The following PTPN2 variants were observed in gnomAD, a reference collection of about 807,000 sequenced individuals.
PTPN2 encodes protein tyrosine phosphatase non-receptor type 2, also known as tyrosine-protein phosphatase non-receptor type 2.
Under a neutral mutation model 57.3 loss-of-function variants are expected in PTPN2, and 19 were observed. The observed-to-expected ratio is 0.33, with a 90% CI of 0.23 to 0.49. The LOEUF (loss-of-function observed/expected upper bound fraction) is 0.49, where lower values mean the gene tolerates loss of function less well. PTPN2 is among the 20% of genes least tolerant of loss of function. The probability of loss-of-function intolerance (pLI) is 0.99; values close to 1 mark genes in which losing one functional copy is unlikely to be tolerated. For missense variants in PTPN2, 358 were observed against 501.1 expected (o/e 0.71, Z 2.73); for synonymous variants, 153 against 164.9 (o/e 0.93, Z 0.55).
At chr18:12,851,966 A>T (rs1326393422) in intron 2 of PTPN2, among the ~76,000 whole-genome samples, 3 of 152,098 alleles carry the variant, frequency 2.0e-5, no homozygotes, top group African/African-American at 7.3e-5. Context: ...ATACTGCATG[A>T]TTACACATAT....
chr18:12,870,423 ATACGTATATATATATGTG>A (rs1390022999), intron 1 of PTPN2, among the ~76,000 whole-genome samples: 13 of 52,312 alleles, frequency 2.5e-4, no homozygotes, highest in African/African-American at 5.7e-4. Flanking sequence ...ATGTATATAT[ATACGTATATATATATGTG>A]TATATATATA....
At chr18:12,867,630 G>A (rs1317055706) in intron 1 of PTPN2, among the ~76,000 whole-genome samples, 1 of 152,002 alleles carries the variant, frequency 6.6e-6, no homozygotes, top group African/African-American at 2.4e-5. Context: ...ATAGAGTTTC[G>A]CTTCAGTCTC....
Position 12,794,220 on chromosome 18 carries a change from T to G in PTPN2, c.*58A>C. On this transcript the variant is annotated 3_prime_UTR_variant, in exon 9 of 9. Coordinates refer to ENST00000309660, the MANE Select transcript of PTPN2 (RefSeq NM_002828.4). ...GGCGTTTGCTGCAGACAAACCCCTA[T>G]GATTAATGTAGCACTGTCAGTTACT... 6.2e-7 allele frequency: 1 copy of G among 1,604,806 alleles called. No homozygotes were observed. The highest frequency in any genetic ancestry group is 8.5e-7 in the Non-Finnish European group (1 of 1,175,916).
At chr18:12,796,688 T>C (rs1353733224) in intron 8 of PTPN2, among the ~76,000 whole-genome samples, 1 of 152,322 alleles carries the variant, frequency 6.6e-6, no homozygotes, top group African/African-American at 2.4e-5. Flanking sequence ...AATATTCTCC[T>C]GCTATGCAGA....
At chr18:12,855,597 T>C (rs977758212) in intron 2 of PTPN2, among the ~76,000 whole-genome samples, 1 of 152,184 alleles carries the variant, frequency 6.6e-6, no homozygotes, top group East Asian at 1.9e-4. Flanking sequence ...GACGATATCC[T>C]GAGCATGGTG....
chr18:12,835,042 C>T (rs2042805878), intron 3 of PTPN2, among the ~76,000 whole-genome samples: 2 of 152,082 alleles, frequency 1.3e-5, no homozygotes, highest in Non-Finnish European at 2.9e-5. Context: ...GATTTCACAT[C>T]CCATGAATAC....
intron 6 of PTPN2, among the ~76,000 whole-genome samples, chr18:12,815,507 A>G (rs1444865669): frequency 6.6e-6 from 1 of 152,184 alleles, no homozygotes; most frequent in Non-Finnish European, 1.5e-5. Flanking sequence ...AACACTGCTG[A>G]GCTACAGCAC....
chr18:12,808,335 A>G (rs969369215), intron 7 of PTPN2, among the ~76,000 whole-genome samples: 2 of 152,184 alleles, frequency 1.3e-5, no homozygotes, highest in African/African-American at 4.8e-5. Context: ...AGATTTCAAA[A>G]TAGCTGGAAG....
At chr18:12,827,342 C>CAAAAAA (rs200266093) in intron 4 of PTPN2, among the ~76,000 whole-genome samples, 8 of 136,632 alleles carry the variant, frequency 5.9e-5, no homozygotes, top group African/African-American at 2.4e-4. Context: ...GACTCCGTCT[C>CAAAAAA]AAAAAAAAAA....
At chr18:12,842,420 G>GA (rs1224287623) in intron 2 of PTPN2, among the ~76,000 whole-genome samples, 2 of 152,156 alleles carry the variant, frequency 1.3e-5, no homozygotes, top group African/African-American at 4.8e-5. Flanking sequence ...TAAATGCTAA[G>GA]AAAAAAGAGT....
intron 2 of PTPN2, chr18:12,843,764 A>C (rs2043126340): frequency 6.5e-6 from 1 of 152,750 alleles, no homozygotes; most frequent in Non-Finnish European, 1.5e-5. Flanking sequence ...GAAGGCCATC[A>C]AACTCAGAAG....
intron 1 of PTPN2, among the ~76,000 whole-genome samples, chr18:12,868,612 AT>A (rs1035618455): frequency 4.0e-5 from 6 of 151,638 alleles, no homozygotes; most frequent in African/African-American, 1.4e-4. Flanking sequence ...TTACACAATT[AT>A]GCCTAACAAC....
chr18:12,859,535 CAG>C (rs757090098), intron 1 of PTPN2, among the ~76,000 whole-genome samples: 2 of 152,208 alleles, frequency 1.3e-5, no homozygotes, highest in Non-Finnish European at 2.9e-5. Flanking sequence ...CAAGGTCCTT[CAG>C]ATGCCAAAGT....
chr18:12,801,457 G>A (rs763295338), intron 8 of PTPN2, among the ~76,000 whole-genome samples: 34 of 151,928 alleles, frequency 2.2e-4, no homozygotes, highest in Admixed American at 3.9e-4. Context: ...GAGCAGCTAA[G>A]GTTGTGCCAC....
At chr18:12,797,824 T>C (rs2063278180) in intron 8 of PTPN2, among the ~76,000 whole-genome samples, 1 of 152,122 alleles carries the variant, frequency 6.6e-6, no homozygotes, top group Non-Finnish European at 1.5e-5. Context: ...CCTCAACCTC[T>C]TGGGCTCAAG....
intron 1 of PTPN2, among the ~76,000 whole-genome samples, chr18:12,860,837 T>C (rs2043781561): frequency 6.6e-6 from 1 of 152,062 alleles, no homozygotes; most frequent in Non-Finnish European, 1.5e-5. Context: ...TACTGATGTA[T>C]CCAGAATGGC....
Position 12,872,704 on chromosome 18 carries a change from T to C in PTPN2, c.69+11369A>G, listed in dbSNP as rs555347634. Among the ~76,000 whole-genome samples the C allele has an allele frequency of 6.6e-5, 10 of 151,402 alleles. No individual in the cohort carries two copies. In the South Asian group the frequency reaches 2.1e-3, roughly 31 times the overall value. On this transcript the variant is annotated intron_variant, in intron 1 of 8. Transcript: ENST00000309660. Reference sequence around the variant, plus strand: ...GGATTGTATTTGTGCGGACATTTCCTCTCATAAACATGTTTCATCTTAAAG... The same window carrying C: ...GGATTGTATTTGTGCGGACATTTCCCCTCATAAACATGTTTCATCTTAAAG...
At chr18:12,883,398 T>G (rs1312122166) in intron 1 of PTPN2, among the ~76,000 whole-genome samples, 1 of 151,952 alleles carries the variant, frequency 6.6e-6, no homozygotes, top group Non-Finnish European at 1.5e-5. Context: ...AGACGGAGGG[T>G]CCCGAGAGCG....
chr18:12,809,208 T>C (rs1401602800), intron 7 of PTPN2, among the ~76,000 whole-genome samples: 1 of 152,228 alleles, frequency 6.6e-6, no homozygotes, highest in Non-Finnish European at 1.5e-5. Flanking sequence ...AATTTCAGTT[T>C]CTTCTATGAA....
Sources: allele counts gnomAD v4.1 joint callset (sites outside exome capture counted in the v4.1 genomes callset), GRCh38; gene constraint gnomAD v4.1.1; transcripts MANE v1.5; gene names NCBI Gene and HGNC (gene_info 2026-07-23, HGNC 2026-07-21).